The following EBPL variants were observed in gnomAD, a reference collection of about 807,000 sequenced individuals.
EBPL encodes the protein emopamil-binding protein-like.
A neutral mutation model predicts 19.0 loss-of-function variants in EBPL; 20 were observed. The observed-to-expected ratio is 1.05, with a 90% confidence interval of 0.74 to 1.53. The LOEUF is 1.53. EBPL is among the 40% of genes most tolerant of loss of function. The pLI, the probability that EBPL is intolerant of heterozygous loss-of-function variation, is 0.00. For synonymous variants in EBPL, 107 were observed against 117.0 expected (o/e 0.91, Z 0.55); for missense variants, 219 against 261.1 (o/e 0.84, Z 1.11).
intron 1 of EBPL, among the ~76,000 whole-genome samples, chr13:49,685,287 A>G (rs1021995782): frequency 1.6e-4 from 24 of 152,246 alleles, no homozygotes; most frequent in African/African-American, 5.1e-4. Context: ...AAACATATCC[A>G]TACATATAAA....
intron 2 of EBPL, among the ~76,000 whole-genome samples, chr13:49,666,628 C>T (rs1372763689): frequency 7.0e-6 from 1 of 142,440 alleles, no homozygotes; most frequent in African/African-American, 2.6e-5. Flanking sequence ...AGGAGAATGG[C>T]ATGAACCCAA....
chr13:49,680,479 A>T (rs1450245107), intron 1 of EBPL, among the ~76,000 whole-genome samples: 2 of 152,242 alleles, frequency 1.3e-5, no homozygotes, highest in Non-Finnish European at 2.9e-5. Context: ...CTGCTCACTG[A>T]TACTGTACTA....
At chr13:49,670,876 G>C (rs1953808689) in intron 1 of EBPL, among the ~76,000 whole-genome samples, 1 of 152,150 alleles carries the variant, frequency 6.6e-6, no homozygotes, top group South Asian at 2.1e-4. Flanking sequence ...CCCGCACCCT[G>C]TTCCCAACTC....
intron 1 of EBPL, among the ~76,000 whole-genome samples, chr13:49,685,851 C>T (rs1985130): frequency 0.6 from 89,184 of 148,916 alleles, 26,655 homozygotes; most frequent in East Asian, 0.7. Context: ...CCAGCCTGGG[C>T]GAGAGAGAGA....
chr13:49,660,775 C>T lies in EBPL; in HGVS notation c.*193G>A, dbSNP rs940449815. The T allele has an allele frequency of 2.1e-5, 10 of 482,684 alleles. No individual in the cohort carries two copies. The highest frequency in any genetic ancestry group is 4.3e-5 in the South Asian group (1 of 23,334). 29.9% of individuals were successfully genotyped at this position (482,684 alleles called of 1,614,324 possible). ...ACAAATTCAAATTTGTTCTCTTTTC[C>T]CTATATCACCATTTAATTGAACAAC... On this transcript the variant is annotated 3_prime_UTR_variant, in exon 4 of 4. Transcript: ENST00000242827.
chr13:49,661,923 T>A, intron 3 of EBPL: 1 of 1,550,482 alleles, frequency 6.4e-7, no homozygotes, highest in Non-Finnish European at 8.7e-7. Context: ...CAGGCCACTC[T>A]GTCCCTAAGG....
chr13:49,673,960 A>AATACAC (rs1953846636), intron 1 of EBPL, among the ~76,000 whole-genome samples: 1 of 33,406 alleles, frequency 3.0e-5, no homozygotes, highest in African/African-American at 7.4e-5. Flanking sequence ...TATGGAACTT[A>AATACAC]ATACACACAC....
chr13:49,667,498 T>G (rs567537384), intron 2 of EBPL, among the ~76,000 whole-genome samples: 1 of 152,318 alleles, frequency 6.6e-6, no homozygotes, highest in Non-Finnish European at 1.5e-5. Flanking sequence ...CAGAAGGTCC[T>G]GCCCTAGACA....
At position 49,673,130 on chromosome 13, in the gene EBPL, T is replaced by C. The variant is rs527725334; in HGVS notation, c.172-3284A>G. On this transcript the variant is annotated intron_variant, in intron 1 of 3. Coordinates refer to ENST00000242827, the MANE Select transcript of EBPL (RefSeq NM_032565.5). ...AAATAGTGGCAACATAAAAAAATAC[T>C]GGCAACATCGAATACTGGTGAGGAT... Among the ~76,000 whole-genome samples the C allele has an allele frequency of 6.4e-4, 97 of 152,150 alleles. No homozygotes were observed. In the South Asian group the frequency reaches 0.01, roughly 16 times the overall value.
intron 1 of EBPL, among the ~76,000 whole-genome samples, chr13:49,676,777 T>C (rs1214974272): frequency 3.9e-5 from 6 of 152,126 alleles, no homozygotes; most frequent in African/African-American, 7.2e-5. Context: ...GCAAGGTTGA[T>C]TACATGCAAT....
At position 49,661,028 on chromosome 13, in the gene EBPL, T is replaced by C. The variant is rs768096497; in HGVS notation, c.561A>G (p.Ser187=). The C allele has an allele frequency of 3.7e-6, 6 of 1,614,018 alleles. No individual in the cohort carries two copies. In the African/African-American group the frequency reaches 4.0e-5, roughly 11 times the overall value. ...VLIPGLLLWQ[S]WLELKKMHQK... ...GATGCATTTTCTTGAGTTCTAGCCA[T>C]GACTGCCACAGTAGCAGTCCTGGGA... is the stretch of plus-strand genomic sequence containing the variant. Residue 187 remains serine (S), a synonymous_variant, in exon 4 of 4, where the codon TCA becomes TCG. Transcript: ENST00000242827.
chr13:49,682,028 C>T (rs1484591141), intron 1 of EBPL, among the ~76,000 whole-genome samples: 1 of 152,206 alleles, frequency 6.6e-6, no homozygotes, highest in Non-Finnish European at 1.5e-5. Flanking sequence ...AACATTGTTT[C>T]TGGAGGGATC....
intron 1 of EBPL, chr13:49,686,415 G>A (rs1953998648): frequency 4.8e-6 from 6 of 1,245,656 alleles, no homozygotes; most frequent in South Asian, 2.8e-5. Context: ...TTGGCTTCTG[G>A]AGCCTCCCTC....
At chr13:49,662,787 C>T (rs1360653593) in intron 3 of EBPL, among the ~76,000 whole-genome samples, 1 of 152,026 alleles carries the variant, frequency 6.6e-6, no homozygotes, top group Non-Finnish European at 1.5e-5. Flanking sequence ...CGTGTGCCAC[C>T]ACGCCTAATT....
At chr13:49,685,396 C>A (rs1953985389) in intron 1 of EBPL, among the ~76,000 whole-genome samples, 1 of 152,110 alleles carries the variant, frequency 6.6e-6, no homozygotes, top group African/African-American at 2.4e-5. Context: ...CCTTTCTCCC[C>A]AAAAGCGTAA....
intron 1 of EBPL, among the ~76,000 whole-genome samples, chr13:49,689,865 TGGTGGC>T (rs922498645): frequency 2.2e-4 from 33 of 152,170 alleles, no homozygotes; most frequent in African/African-American, 7.2e-4. Flanking sequence ...AATTCTCGGC[TGGTGGC>T]GGTGGCGGTG....
At chr13:49,687,639 G>T (rs1172693513) in intron 1 of EBPL, among the ~76,000 whole-genome samples, 1 of 152,114 alleles carries the variant, frequency 6.6e-6, no homozygotes, top group Non-Finnish European at 1.5e-5. Context: ...CTAAGATAAG[G>T]TCTCTCCAGA....
At chr13:49,669,319 G>A (rs1953784917) in intron 2 of EBPL, among the ~76,000 whole-genome samples, 1 of 152,172 alleles carries the variant, frequency 6.6e-6, no homozygotes, top group Admixed American at 6.5e-5. Context: ...TCCCGCCTCA[G>A]CCTCCTGAGT....
chr13:49,676,915 T>C (rs1212374194), intron 1 of EBPL, among the ~76,000 whole-genome samples: 1 of 152,222 alleles, frequency 6.6e-6, no homozygotes, highest in East Asian at 1.9e-4. Flanking sequence ...TTCCTAATTT[T>C]TTTTTAGTGA....
Sources: gnomAD v4.1 joint callset for allele counts (sites outside exome capture counted in the v4.1 genomes callset) on GRCh38, gnomAD v4.1.1 for gene constraint, MANE v1.5 for transcripts, NCBI Gene and HGNC (gene_info 2026-07-23, HGNC 2026-07-21) for gene names.